Variants in AACS observed in about 807,000 individuals in gnomAD.
AACS encodes the protein acetoacetyl-CoA synthetase, also known as acetoacetate-CoA ligase.
A neutral mutation model predicts 83.1 loss-of-function variants in AACS; 69 were observed. That is an observed-to-expected ratio of 0.83 (90% confidence interval 0.68 to 1.01). AACS has a LOEUF of 1.01. Ranked by LOEUF, AACS falls within the 50% of genes least tolerant of loss-of-function variation. The pLI, the probability that AACS is intolerant of heterozygous loss-of-function variation, is 0.00. For missense variants in AACS, 866 were observed against 882.2 expected, an observed-to-expected ratio of 0.98 and a Z score of 0.23; for synonymous variants, 333 against 343.4, an observed-to-expected ratio of 0.97 and a Z score of 0.33.
intron 16 of AACS, among the ~76,000 whole-genome samples, chr12:125,135,391 G>A (rs913037957): frequency 6.6e-6 from 1 of 152,144 alleles, no homozygotes; most frequent in Admixed American, 6.5e-5. Context: ...CACCACGCCC[G>A]GCCAACTTGT....
At chr12:125,085,305 G>A (rs1000653098) in intron 3 of AACS, among the ~76,000 whole-genome samples, 4 of 151,766 alleles carry the variant, frequency 2.6e-5, no homozygotes, top group Admixed American at 6.6e-5. Flanking sequence ...TTGCATCCAC[G>A]TCTGTTTCCT....
rs771297750 is a variant in AACS at position 125,102,795 on chromosome 12, T to A, written c.685+2T>A. On this transcript the variant is annotated splice_donor_variant, in intron 6 of 17. Transcript: ENST00000316519. LOFTEE classifies it high-confidence loss of function. ...AAAAGCTGCAGCAGGTGGTTAAAGGTGTGTGGCCCTTCCGGCTCCCAGCCG... is the reference window on the plus strand; with the variant it reads ...AAAAGCTGCAGCAGGTGGTTAAAGGAGTGTGGCCCTTCCGGCTCCCAGCCG... 1 of 1,613,382 alleles carries A rather than the reference T, an allele frequency of 6.2e-7. No individual in the cohort carries two copies. Among genetic ancestry groups the A allele is most frequent in the Admixed American group, 1.7e-5 (1 of 59,984 alleles).
At chr12:125,086,560 T>C (rs1218009773) in intron 4 of AACS, 117 bp downstream of exon 4, 9 of 901,308 alleles carry the variant, frequency 1.0e-5, no homozygotes, top group Non-Finnish European at 1.6e-5. Context: ...CATGGAACCT[T>C]GTGGGACTTG....
At chr12:125,108,916 C>T (rs1956892250) in intron 8 of AACS, among the ~76,000 whole-genome samples, 1 of 147,340 alleles carries the variant, frequency 6.8e-6, no homozygotes, top group Non-Finnish European at 1.5e-5. Flanking sequence ...AAGCTGGACT[C>T]AAACCCCTAG....
chr12:125,080,001 A>T (rs1051099677), intron 3 of AACS, among the ~76,000 whole-genome samples: 1 of 152,184 alleles, frequency 6.6e-6, no homozygotes, highest in Non-Finnish European at 1.5e-5. Context: ...AGTGTTACCA[A>T]GGTTCATCCA....
At position 125,114,461 on chromosome 12, in the gene AACS, C is replaced by G. The variant is rs374621943; in HGVS notation, c.916-16C>G. The G allele has an allele frequency of 1.9e-6, 3 of 1,611,104 alleles. No homozygotes were observed. In the African/African-American group the frequency reaches 4.0e-5, roughly 21 times the overall value. On this transcript the variant is annotated splice_polypyrimidine_tract_variant and intron_variant, in intron 8 of 17. Transcript: ENST00000316519. The stretch of plus-strand genomic sequence containing the variant: ...GCCTAACAGAGAGCACCCGCTCCCC[C>G]GTGTCTCCCCTGCAGGGCACCCTCA...
intron 8 of AACS, 149 bp from the exon 9 acceptor site, chr12:125,114,328 C>G: frequency 1.7e-6 from 1 of 594,254 alleles, no homozygotes; most frequent in Non-Finnish European, 2.9e-6. Context: ...TGGGGGGAAC[C>G]CTCCAAAGTC....
At chr12:125,108,794 T>C (rs1216203510) in intron 8 of AACS, among the ~76,000 whole-genome samples, 1 of 151,108 alleles carries the variant, frequency 6.6e-6, no homozygotes. Flanking sequence ...CAGTCTCCCA[T>C]GTAGCTGGGA....
chr12:125,140,997 G>A lies in AACS; in HGVS notation c.1882-1095G>A, dbSNP rs1957479287. 1 of 152,242 alleles carries A rather than the reference G, an allele frequency of 6.6e-6. No individual in the cohort carries two copies. Among genetic ancestry groups the A allele is most frequent in the African/African-American group, 2.4e-5 (1 of 41,466 alleles). The allele number at this position is 152,242 out of a possible 1,614,324, so 9.4% of individuals were successfully genotyped here. The stretch of plus-strand genomic sequence containing the variant: ...AGTAAAATCATCATAAAACATAGTA[G>A]CTAGGCACTTCTGAAGCTGTGTGTG... On this transcript the variant is annotated intron_variant, in intron 17 of 17. Transcript: ENST00000316519. This position sits in a 1 kb window ranked among gnomAD's most constrained non-coding sequence, Gnocchi z 5.1.
At chr12:125,107,361 A>C in intron 8 of AACS, 93 bp downstream of exon 8, 1 of 1,512,662 alleles carries the variant, frequency 6.6e-7, no homozygotes, top group Non-Finnish European at 9.0e-7. Context: ...GGAGTTGTCA[A>C]ACTGCACCCC....
At chr12:125,074,844 A>C (rs1955978286) in intron 2 of AACS, among the ~76,000 whole-genome samples, 1 of 151,306 alleles carries the variant, frequency 6.6e-6, no homozygotes, top group Non-Finnish European at 1.5e-5. Context: ...TTGTATTTTT[A>C]GTAGAGACAG....
In AACS at chr12:125,065,583, C is replaced by T; in HGVS notation, c.-2C>T. 6.6e-7 allele frequency: 1 copy of T among 1,510,906 alleles called. No individual in the cohort carries two copies. Among genetic ancestry groups the T allele is most frequent in the Non-Finnish European group, 8.9e-7 (1 of 1,129,630 alleles). The allele number at this position is 1,510,906 out of a possible 1,614,324, so 93.6% of individuals were successfully genotyped here. A position where few individuals can be genotyped will look rare whatever the true frequency, so the allele number is the denominator to read the frequency against. On this transcript the variant is annotated 5_prime_UTR_variant, in exon 1 of 18. Coordinates refer to ENST00000316519, the MANE Select transcript of AACS (RefSeq NM_023928.5). ...TCGCAGCCCCGGCCGCCCGCCGCCG[C>T]CATGTCCAAGGAGGAGCGCCCCGGT...
chr12:125,089,922 C>T (rs1956426448), intron 4 of AACS, among the ~76,000 whole-genome samples: 1 of 151,966 alleles, frequency 6.6e-6, no homozygotes, highest in Non-Finnish European at 1.5e-5. Flanking sequence ...TCTATCCATC[C>T]ATTTATCTAT....
In AACS at chr12:125,091,695, T is replaced by G. The variant is rs148025771; in HGVS notation, c.570+172T>G. ...GAAGCCAGAAGGACTTGCGTCTGGT[T>G]CTTCCTTTCAAGCAGTCCTGACGTT... On this transcript the variant is annotated intron_variant, in intron 5 of 17. Transcript: ENST00000316519. Among the ~76,000 whole-genome samples, 726 of 152,338 alleles carry G rather than the reference T, an allele frequency of 4.8e-3. 4 individuals carry two copies. The highest frequency in any genetic ancestry group is 0.031 in the Middle Eastern group (9 of 294).
chr12:125,114,700 A>G lies in AACS; in HGVS notation c.996+143A>G, dbSNP rs1249026772. On this transcript the variant is annotated intron_variant, in intron 9 of 17. Transcript: ENST00000316519. ...GCTTCCCCAGGTGCTGGCCTGTGCT[A>G]TACCACAATAGGGGCTTCCCTGGGT... is the stretch of plus-strand genomic sequence containing the variant. The G allele has an allele frequency of 1.3e-5, 6 of 463,858 alleles. 1 individual carries two copies. The highest frequency in any genetic ancestry group is 2.0e-5 in the African/African-American group (1 of 50,106). 28.7% of individuals were successfully genotyped at this position (463,858 alleles called of 1,614,324 possible).
rs1199122391 is a variant in AACS, at chr12:125,076,623, T to A, written c.358+12T>A. 2 of 1,613,658 alleles carry A rather than the reference T, an allele frequency of 1.2e-6. No homozygotes were observed. Among genetic ancestry groups the A allele is most frequent in the African/African-American group, 2.7e-5 (2 of 74,920 alleles). On this transcript the variant is annotated intron_variant, in intron 3 of 17. Transcript: ENST00000316519. ...CCTTTACATTGCAAGTAAGTCCTGATGGCGAGACCTGGGATTTCCTCCGTG... is the reference window on the plus strand; with the variant it reads ...CCTTTACATTGCAAGTAAGTCCTGAAGGCGAGACCTGGGATTTCCTCCGTG...
Position 125,065,628 on chromosome 12 carries a change from G to A in AACS, c.44G>A (p.Cys15Tyr), listed in dbSNP as rs1404851722. The A allele has an allele frequency of 3.9e-6, 6 of 1,543,824 alleles. No homozygotes were observed. The highest frequency in any genetic ancestry group is 4.4e-6 in the Non-Finnish European group (5 of 1,143,810). Reference protein sequence around the residue: ...ERPGREEILECQVMWEPDSKK... With the variant: ...ERPGREEILEYQVMWEPDSKK... ...CCCGGTCGGGAGGAGATCCTGGAGT[G>A]CCAGGTGATGTGGGAGCCTGACAGT... The change falls in exon 1 of 18, where the codon TGC (cysteine) becomes TAC (tyrosine). Residue 15 changes from cysteine to tyrosine, a missense_variant. Coordinates refer to ENST00000316519, the MANE Select transcript of AACS (RefSeq NM_023928.5).
At position 125,080,852 on chromosome 12, in the gene AACS, T is replaced by C. The variant is rs57635450; in HGVS notation, c.358+4241T>C. Among the ~76,000 whole-genome samples, 782 of 151,424 alleles carry C rather than the reference T, an allele frequency of 5.2e-3. 10 individuals are homozygous for C. Among genetic ancestry groups the C allele is most frequent in the African/African-American group, 0.018 (753 of 41,180 alleles). The stretch of plus-strand genomic sequence containing the variant: ...GACTACAGGCGCCCGCCACCACGCC[T>C]GGCTAATTTTTTGTATTTTTAGTAG... On this transcript the variant is annotated intron_variant, in intron 3 of 17. Transcript: ENST00000316519.
intron 14 of AACS, among the ~76,000 whole-genome samples, chr12:125,131,479 C>T (rs1166198684): frequency 1.3e-5 from 2 of 151,526 alleles, no homozygotes; most frequent in African/African-American, 2.4e-5. Flanking sequence ...CCTCAAGTGC[C>T]GGGATTACTA....
Sources: allele counts gnomAD v4.1 joint callset (sites outside exome capture counted in the v4.1 genomes callset), GRCh38; gene constraint gnomAD v4.1.1; non-coding constraint Gnocchi (gnomAD v3.1); transcripts MANE v1.5; gene names NCBI Gene and HGNC (gene_info 2026-07-23, HGNC 2026-07-21).